MIB1: variants seen among roughly 807,000 people sequenced by gnomAD.
MIB1 encodes MIB E3 ubiquitin protein ligase 1, also known as E3 ubiquitin-protein ligase MIB1.
Under a neutral mutation model 124.5 loss-of-function variants are expected in MIB1, and 278 were observed. The ratio of observed to expected loss-of-function variants is 2.23; its 90% CI spans 2.02 to 2.47. The LOEUF (loss-of-function observed/expected upper bound fraction) is 2.47, where lower values mean the gene tolerates loss of function less well. MIB1 is among the 30% of genes most tolerant of loss of function. The probability of loss-of-function intolerance (pLI) is 0.00; values close to 1 mark genes in which losing one functional copy is unlikely to be tolerated. For synonymous variants in MIB1, 446 were observed against 429.4 expected (o/e 1.04, Z -0.48); for missense variants, 957 against 1,254.4 (o/e 0.76, Z 3.58).
intron 15 of MIB1, among the ~76,000 whole-genome samples, chr18:21,845,292 G>T (rs1277182739): frequency 6.6e-6 from 1 of 152,112 alleles, no homozygotes. Context: ...TTACAGGCAT[G>T]AGCCACCACA....
intron 1 of MIB1, among the ~76,000 whole-genome samples, chr18:21,759,996 A>C (rs1409867702): frequency 6.6e-6 from 1 of 152,206 alleles, no homozygotes; most frequent in Non-Finnish European, 1.5e-5. Flanking sequence ...GATACCATTA[A>C]AACTTAGAGC....
intron 11 of MIB1, 44 bp downstream of exon 11, chr18:21,815,857 C>A (rs2041825686): frequency 2.0e-6 from 3 of 1,532,378 alleles, no homozygotes; most frequent in Non-Finnish European, 2.7e-6. Context: ...TTGCTAGGAT[C>A]CTATTAAAGG....
chr18:21,798,265 G>A (rs766128381), intron 8 of MIB1, 37 bp downstream of exon 8: 8 of 1,599,234 alleles, frequency 5.0e-6, no homozygotes, highest in African/African-American at 1.3e-5. Context: ...GAGTAATGTG[G>A]TTTACATTAA....
At position 21,741,333 on chromosome 18, in the gene MIB1, C is replaced by G; in HGVS notation, c.-251C>G. The G allele has an allele frequency of 5.7e-6, 1 of 175,442 alleles. No homozygotes were observed. The highest frequency in any genetic ancestry group is 2.4e-5 in the African/African-American group (1 of 42,098). 10.9% of individuals were successfully genotyped at this position (175,442 alleles called of 1,614,324 possible). A position where few individuals can be genotyped will look rare whatever the true frequency, so the allele number is the denominator to read the frequency against. On this transcript the variant is annotated 5_prime_UTR_variant, in exon 1 of 21. Transcript: ENST00000261537. This position sits in a 1 kb window ranked among gnomAD's most constrained non-coding sequence, Gnocchi z 5.4. ...CCCCCTCCCCTCTGCCCGCTCTCCGCCGCCGCCTCCGAGCAGCCGCGGGCC... is the reference window on the plus strand; with the variant it reads ...CCCCCTCCCCTCTGCCCGCTCTCCGGCGCCGCCTCCGAGCAGCCGCGGGCC...
In MIB1 at chr18:21,765,865, T is replaced by C; in HGVS notation, c.323T>C (p.Leu108Ser). The change falls in exon 2 of 21, where the codon TTG becomes TCG. Residue 108 changes from leucine (L) to serine (S), a missense_variant. Transcript: ENST00000261537. The part of the protein sequence containing the change: ...WKCAECTNYD[L>S]CTVCYHGDKH... ...TGTGCAGAGTGTACAAATTATGATT[T>C]GTGCACAGTGTGTTATCATGGAGAT... 1.2e-6 allele frequency: 2 copies of C among 1,614,178 alleles called. No individual in the cohort carries two copies. The highest frequency in any genetic ancestry group is 1.7e-6 in the Non-Finnish European group (2 of 1,179,988).
intron 1 of MIB1, among the ~76,000 whole-genome samples, chr18:21,756,501 G>A (rs1259448207): frequency 6.6e-6 from 1 of 151,786 alleles, no homozygotes; most frequent in Non-Finnish European, 1.5e-5. Flanking sequence ...ATCTTGCTCT[G>A]TCACCCAGGC....
chr18:21,763,930 T>A (rs141221228), intron 1 of MIB1, among the ~76,000 whole-genome samples: 2 of 152,158 alleles, frequency 1.3e-5, no homozygotes, highest in South Asian at 2.1e-4. Context: ...ATTTTTTATT[T>A]TTTTTATTTT....
At chr18:21,768,879 A>G in intron 3 of MIB1, 127 bp downstream of exon 3, 1 of 807,082 alleles carries the variant, frequency 1.2e-6, no homozygotes, top group Non-Finnish European at 1.7e-6. Flanking sequence ...TAAAATCTTG[A>G]TTTCTTTTTT....
At chr18:21,732,301 C>T (rs2040774583) in intron 1 of MIB1, among the ~76,000 whole-genome samples, 1 of 150,802 alleles carries the variant, frequency 6.6e-6, no homozygotes, top group South Asian at 2.1e-4. Flanking sequence ...GCACTCTAGC[C>T]TGGGCAACAG....
rs1416301270 is a variant in MIB1, at chr18:21,866,343, T to C, written c.*1677T>C. On this transcript the variant is annotated 3_prime_UTR_variant, in exon 21 of 21. Coordinates refer to ENST00000261537, the MANE Select transcript of MIB1 (RefSeq NM_020774.4). Reference sequence around the variant, plus strand: ...GCTATCATTTAGAACAGTAAAATTTTTATAGATTTCAAATTTGAAAATTCA... The same window carrying C: ...GCTATCATTTAGAACAGTAAAATTTCTATAGATTTCAAATTTGAAAATTCA... The C allele has an allele frequency of 6.6e-6, 1 of 152,206 alleles. No homozygotes were observed. Among genetic ancestry groups the C allele is most frequent in the Non-Finnish European group, 1.5e-5 (1 of 68,042 alleles). The allele number at this position is 152,206 out of a possible 1,614,324, so 9.4% of individuals were successfully genotyped here.
intron 11 of MIB1, chr18:21,817,733 A>G (rs1487068742): frequency 2.4e-6 from 1 of 419,636 alleles, no homozygotes; most frequent in Middle Eastern, 6.2e-4. Context: ...AGTGTTGGAG[A>G]TGAAGCTGGG....
intron 20 of MIB1, among the ~76,000 whole-genome samples, chr18:21,859,536 G>A (rs2042256086): frequency 6.6e-6 from 1 of 152,010 alleles, no homozygotes; most frequent in Non-Finnish European, 1.5e-5. Flanking sequence ...ATTAGTTTGT[G>A]AACTTGTATT....
chr18:21,755,001 A>G (rs1007778789), intron 1 of MIB1, among the ~76,000 whole-genome samples: 53 of 152,180 alleles, frequency 3.5e-4, no homozygotes, highest in African/African-American at 1.1e-3. Context: ...GGACACCTGT[A>G]TCAGCCAGTC....
intron 10 of MIB1, among the ~76,000 whole-genome samples, chr18:21,811,127 C>T (rs965728411): frequency 6.6e-6 from 1 of 152,084 alleles, no homozygotes; most frequent in African/African-American, 2.4e-5. Context: ...AGATGTTTAA[C>T]GTCACTAATT....
At chr18:21,823,737 C>G (rs1047615606) in intron 12 of MIB1, among the ~76,000 whole-genome samples, 1 of 152,146 alleles carries the variant, frequency 6.6e-6, no homozygotes, top group African/African-American at 2.4e-5. Flanking sequence ...GTAGAAATTA[C>G]ACCATGTTTT....
chr18:21,835,840 A>ACACACACACACAC lies in MIB1; in HGVS notation c.1830-2525_1830-2524insCACACACACACAC, dbSNP rs1555695330. Among the ~76,000 whole-genome samples the ACACACACACACAC allele has an allele frequency of 3.7e-4, 40 of 108,058 alleles. 2 individuals are homozygous for ACACACACACACAC. The highest frequency in any genetic ancestry group is 1.4e-3 in the South Asian group (4 of 2,912). The allele number at this position is 108,058 out of a possible 152,430, so 70.9% of individuals were successfully genotyped here. ...ACACACACACACACACACACACACAAACACACACGAGGAGTATTGGGAAAG... is the reference window on the plus strand; with the variant it reads ...ACACACACACACACACACACACACAACACACACACACACACACACACGAGGAGTATTGGGAAAG... On this transcript the variant is annotated intron_variant, in intron 12 of 20. Coordinates refer to ENST00000261537, the MANE Select transcript of MIB1 (RefSeq NM_020774.4).
chr18:21,799,885 T>G lies in MIB1; in HGVS notation c.1282T>G (p.Ser428Ala). ...GAAGAAATTATTTGAAACCCAAGAA[T>G]CTGGTGACCTCAATGAAGAATTAGT... is the stretch of plus-strand genomic sequence containing the variant. Reference protein sequence around the residue: ...LLKKLFETQESGDLNEELVKA... With the variant: ...LLKKLFETQEAGDLNEELVKA... Residue 428 changes from serine to alanine, a missense_variant, in exon 9 of 21, where the codon TCT becomes GCT. Coordinates refer to ENST00000261537, the MANE Select transcript of MIB1 (RefSeq NM_020774.4). 1 of 1,612,190 alleles carries G rather than the reference T, an allele frequency of 6.2e-7. No homozygotes were observed. The highest frequency in any genetic ancestry group is 8.5e-7 in the Non-Finnish European group (1 of 1,178,692).
rs866316578 is a variant in MIB1, at chr18:21,870,023, T to C, written c.*5357T>C. On this transcript the variant is annotated 3_prime_UTR_variant, in exon 21 of 21. Coordinates refer to ENST00000261537, the MANE Select transcript of MIB1 (RefSeq NM_020774.4). The stretch of plus-strand genomic sequence containing the variant: ...TTTTCTAATTCTTTAGCTTTCAATA[T>C]TGGATTAAAGTCTTGTTTGTGAATA... 35 of 152,672 alleles carry C rather than the reference T, an allele frequency of 2.3e-4. No homozygotes were observed. The highest frequency in any genetic ancestry group is 7.9e-4 in the African/African-American group (33 of 41,584). 9.5% of individuals were successfully genotyped at this position (152,672 alleles called of 1,614,324 possible). A position where few individuals can be genotyped will look rare whatever the true frequency, so the allele number is the denominator to read the frequency against.
At chr18:21,708,419 C>T (rs1480813398) in intron 1 of MIB1, among the ~76,000 whole-genome samples, 1 of 152,122 alleles carries the variant, frequency 6.6e-6, no homozygotes, top group African/African-American at 2.4e-5. Context: ...TTTGGGAGGC[C>T]GATGCAGTTG....
Sources: allele counts gnomAD v4.1 joint callset (sites outside exome capture counted in the v4.1 genomes callset), GRCh38; gene constraint gnomAD v4.1.1; non-coding constraint Gnocchi (gnomAD v3.1); transcripts MANE v1.5; gene names NCBI Gene and HGNC (gene_info 2026-07-23, HGNC 2026-07-21).